SPAG16: variants seen among roughly 807,000 people sequenced by gnomAD.
The protein encoded by SPAG16 is sperm-associated antigen 16 protein.
SPAG16 carries 86 observed loss-of-function variants against 80.4 expected under a neutral mutation model. The observed-to-expected ratio is 1.07, with a 90% CI of 0.90 to 1.28. The LOEUF is 1.28. Among genes scored for constraint, SPAG16 ranks in the 50% most tolerant of loss-of-function variants. SPAG16 has a pLI of 0.00. For missense variants in SPAG16, 870 were observed against 765.3 expected (o/e 1.14, Z -1.61); for synonymous variants, 294 against 265.9 (o/e 1.11, Z -1.03).
intron 15 of SPAG16, among the ~76,000 whole-genome samples, chr2:214,173,136 C>T (rs1404179839): frequency 3.3e-5 from 5 of 151,950 alleles, no homozygotes; most frequent in Admixed American, 6.6e-5. Context: ...CTTTTGTTGC[C>T]GTTGCTTTTG....
At chr2:214,334,744 C>A (rs559254950) in intron 15 of SPAG16, among the ~76,000 whole-genome samples, 1 of 152,358 alleles carries the variant, frequency 6.6e-6, no homozygotes, top group African/African-American at 2.4e-5. Flanking sequence ...AGATTGCTTA[C>A]TGTCACTGGA....
In SPAG16 at chr2:214,220,889, A is replaced by G. The variant is rs2125774715; in HGVS notation, c.1720+71623A>G. 1.3e-5 allele frequency among the ~76,000 whole-genome samples: 2 copies of G among 152,236 alleles called. 1 individual carries two copies. Among genetic ancestry groups the G allele is most frequent in the South Asian group, 4.1e-4 (2 of 4,832 alleles). On this transcript the variant is annotated intron_variant, in intron 15 of 15. Transcript: ENST00000331683. The stretch of plus-strand genomic sequence containing the variant: ...ATCTTTTGGGGAGCATACTCACTAC[A>G]TTCTTTTTCCATATGGTTAAAAGAG...
At position 214,301,298 on chromosome 2, in the gene SPAG16, C is replaced by CA. The variant is rs548924541; in HGVS notation, c.1721-108830dup. Reference sequence around the variant, plus strand: ...ATAAAAACCCTCAAAATCTAGGCATCAAAAAAAAAAAACTACCTCAAAATA... The same window carrying CA: ...ATAAAAACCCTCAAAATCTAGGCATCAAAAAAAAAAAAACTACCTCAAAATA... On this transcript the variant is annotated intron_variant, in intron 15 of 15. Transcript: ENST00000331683. 5.1e-3 allele frequency among the ~76,000 whole-genome samples: 694 copies of CA among 136,930 alleles called. 1 individual carries two copies. Among genetic ancestry groups the CA allele is most frequent in the South Asian group, 0.026 (115 of 4,368 alleles). 89.8% of individuals were successfully genotyped at this position (136,930 alleles called of 152,430 possible).
chr2:214,223,655 C>A (rs1474573441), intron 15 of SPAG16, among the ~76,000 whole-genome samples: 1 of 151,916 alleles, frequency 6.6e-6, no homozygotes, highest in African/African-American at 2.4e-5. Context: ...AAAGATACTT[C>A]TATTATAATA....
chr2:213,483,473 T>G (rs1184086697), intron 9 of SPAG16, among the ~76,000 whole-genome samples: 1 of 152,228 alleles, frequency 6.6e-6, no homozygotes, highest in Non-Finnish European at 1.5e-5. Flanking sequence ...TATTAATGCT[T>G]ACAGATAGGC....
intron 5 of SPAG16, among the ~76,000 whole-genome samples, chr2:213,335,220 C>G (rs1357230140): frequency 1.3e-5 from 2 of 152,116 alleles, no homozygotes; most frequent in African/African-American, 4.8e-5. Flanking sequence ...TTGTCACAAA[C>G]ATAATGAACT....
chr2:213,345,565 T>A (rs1280211196), intron 6 of SPAG16, among the ~76,000 whole-genome samples: 2 of 127,536 alleles, frequency 1.6e-5, no homozygotes, highest in Non-Finnish European at 3.3e-5. Context: ...GTATAAGGTG[T>A]GAGGAAGGGA....
At chr2:213,424,190 A>G (rs1218839681) in intron 9 of SPAG16, among the ~76,000 whole-genome samples, 2 of 152,200 alleles carry the variant, frequency 1.3e-5, no homozygotes, top group African/African-American at 2.4e-5. Flanking sequence ...GAAAGTTGTG[A>G]GAAGGAATCA....
intron 15 of SPAG16, among the ~76,000 whole-genome samples, chr2:214,266,288 A>G (rs1338245329): frequency 6.6e-6 from 1 of 151,942 alleles, no homozygotes; most frequent in Non-Finnish European, 1.5e-5. Flanking sequence ...TGAATCTAGA[A>G]TACGTTGCCA....
intron 15 of SPAG16, among the ~76,000 whole-genome samples, chr2:214,195,698 A>G (rs976351726): frequency 6.6e-6 from 1 of 152,008 alleles, no homozygotes. Flanking sequence ...GACTGGGCAA[A>G]AGTAGAAAAC....
chr2:214,078,631 A>G (rs926535702), intron 13 of SPAG16, among the ~76,000 whole-genome samples: 1 of 152,034 alleles, frequency 6.6e-6, no homozygotes, highest in Non-Finnish European at 1.5e-5. Context: ...TTCTCTTTAA[A>G]CAGTTCAATG....
At chr2:213,364,205 TCA>T (rs2066151333) in intron 8 of SPAG16, 60 bp downstream of exon 8, 1 of 976,612 alleles carries the variant, frequency 1.0e-6, no homozygotes, top group African/African-American at 1.7e-5. Context: ...CTCAACCTTA[TCA>T]GTGATTAATA....
intron 13 of SPAG16, among the ~76,000 whole-genome samples, chr2:214,027,605 A>G (rs2048201891): frequency 6.6e-6 from 1 of 151,878 alleles, no homozygotes. Flanking sequence ...TACTCTTTCC[A>G]GCAATCCATC....
intron 15 of SPAG16, among the ~76,000 whole-genome samples, chr2:214,328,513 C>A (rs1696659748): frequency 1.3e-5 from 2 of 152,070 alleles, no homozygotes; most frequent in African/African-American, 4.8e-5. Flanking sequence ...GTGTTGGATC[C>A]AAGTATACTT....
intron 15 of SPAG16, among the ~76,000 whole-genome samples, chr2:214,177,548 C>T (rs2057133050): frequency 6.6e-6 from 1 of 150,728 alleles, no homozygotes; most frequent in Non-Finnish European, 1.5e-5. Flanking sequence ...AATATCACTC[C>T]CTCACTTTTT....
chr2:213,972,578 G>A (rs2045131197), intron 12 of SPAG16, among the ~76,000 whole-genome samples: 1 of 152,106 alleles, frequency 6.6e-6, no homozygotes, highest in African/African-American at 2.4e-5. Context: ...TGGTGAGGAT[G>A]ATCTTCTTTA....
At chr2:213,337,408 G>A (rs2064424441) in intron 5 of SPAG16, among the ~76,000 whole-genome samples, 1 of 152,192 alleles carries the variant, frequency 6.6e-6, no homozygotes, top group African/African-American at 2.4e-5. Context: ...CAGAAGATGG[G>A]TAATAATGAA....
chr2:214,249,781 G>A (rs1023521155), intron 15 of SPAG16, among the ~76,000 whole-genome samples: 1 of 152,044 alleles, frequency 6.6e-6, no homozygotes, highest in Non-Finnish European at 1.5e-5. Context: ...TATAAATATT[G>A]CTGATTTGGA....
chr2:213,324,291 TG>T (rs2063752530), intron 5 of SPAG16, among the ~76,000 whole-genome samples: 1 of 152,162 alleles, frequency 6.6e-6, no homozygotes, highest in African/African-American at 2.4e-5. Flanking sequence ...AGTTATTTTT[TG>T]TTATGCTTTA....
Sources: allele counts gnomAD v4.1 joint callset (sites outside exome capture counted in the v4.1 genomes callset), GRCh38; gene constraint gnomAD v4.1.1; transcripts MANE v1.5; gene names NCBI Gene and HGNC (gene_info 2026-07-23, HGNC 2026-07-21).